Variants in ABCB11 observed in about 807,000 individuals in gnomAD.
The protein encoded by ABCB11 is ATP binding cassette subfamily B member 11.
A neutral mutation model predicts 148.0 loss-of-function variants in ABCB11; 95 were observed. That is an observed-to-expected ratio of 0.64 (90% CI 0.54 to 0.76). ABCB11 has a LOEUF of 0.76. ABCB11 is among the 30% of genes least tolerant of loss of function. The pLI, the probability that ABCB11 is intolerant of heterozygous loss-of-function variation, is 0.00. For synonymous variants in ABCB11, 591 were observed against 555.4 expected (o/e 1.06, Z -0.90); for missense variants, 1,523 against 1,617.8 (o/e 0.94, Z 1.01).
At chr2:169,008,344 G>A (rs1695083236) in intron 5 of ABCB11, among the ~76,000 whole-genome samples, 1 of 152,134 alleles carries the variant, frequency 6.6e-6, no homozygotes, top group Admixed American at 6.6e-5. Flanking sequence ...CCTCGGCTGT[G>A]GCAATGTCAT....
intron 10 of ABCB11, among the ~76,000 whole-genome samples, chr2:168,984,921 GAT>G (rs1332223470): frequency 6.6e-6 from 1 of 152,022 alleles, no homozygotes; most frequent in Non-Finnish European, 1.5e-5. Context: ...TAAAAACAAA[GAT>G]AAATAGGTGA....
At chr2:169,013,214 G>A in intron 5 of ABCB11, 58 bp downstream of exon 5, 1 of 1,333,780 alleles carries the variant, frequency 7.5e-7, no homozygotes, top group Non-Finnish European at 1.0e-6. Context: ...TATACATTTT[G>A]AATTACAATT....
intron 5 of ABCB11, among the ~76,000 whole-genome samples, chr2:169,007,130 G>C (rs1417702521): frequency 6.6e-6 from 1 of 152,124 alleles, no homozygotes; most frequent in African/African-American, 2.4e-5. Flanking sequence ...AATCAAAACA[G>C]TGTGTTACTG....
chr2:168,970,067 A>G lies in ABCB11; in HGVS notation c.1787T>C (p.Met596Thr). 6.2e-7 allele frequency: 1 copy of G among 1,610,628 alleles called. No homozygotes were observed. The change falls in exon 15 of 28, where the codon ATG becomes ACG. Residue 596 changes from methionine to threonine, a missense_variant. Met to Thr is a moderately conservative substitution (Grantham distance 81). Transcript: ENST00000650372. ...TSALDNESEAMVQEVLSKIQH... is the reference protein window; with the variant it reads ...TSALDNESEATVQEVLSKIQH... ...AACCTTACTCAGCACTTCTTGCACC[A>G]TGGCTTCACTCTCATTGTCCAGAGC...
chr2:168,960,619 T>C (rs1489832212), intron 18 of ABCB11, among the ~76,000 whole-genome samples: 2 of 151,678 alleles, frequency 1.3e-5, no homozygotes, highest in Non-Finnish European at 3.0e-5. Context: ...AATAATTTTC[T>C]TTGGTTCCTC....
chr2:168,917,522 A>G (rs1291523391), downstream of ABCB11, among the ~76,000 whole-genome samples: 7 of 152,286 alleles, frequency 4.6e-5, no homozygotes, highest in East Asian at 9.6e-4. Context: ...ACTTTTGTCA[A>G]CTCACACTGG....
In ABCB11 at chr2:168,932,900, A is replaced by G. The variant is rs555086662; in HGVS notation, c.3057-367T>C. 7.9e-5 allele frequency among the ~76,000 whole-genome samples: 12 copies of G among 152,016 alleles called. No homozygotes were observed. The South Asian group carries it at 2.1e-3, about 26-fold the overall frequency. On this transcript the variant is annotated intron_variant, in intron 23 of 27. Transcript: ENST00000650372. ...CGAGGCGGGCGGATCACGAGGTCAG[A>G]AGATCGAGACCATCCTGGCTAACAC...
chr2:168,950,957 G>A (rs1395832139), intron 19 of ABCB11, among the ~76,000 whole-genome samples: 3 of 151,522 alleles, frequency 2.0e-5, no homozygotes. Flanking sequence ...TTTGTAAGTG[G>A]TGAGAGGTAT....
rs1328098017 is a variant in ABCB11 at position 168,922,019 on chromosome 2, T to C, written c.*1603A>G. ...GCCCGCCACCACGCCCGGCTAATTT[T>C]TTTGTATTTTTAGTAGAGACGGGGT... On this transcript the variant is annotated 3_prime_UTR_variant, in exon 28 of 28. Coordinates refer to ENST00000650372, the MANE Select transcript of ABCB11 (RefSeq NM_003742.4). Among the ~76,000 whole-genome samples the C allele has an allele frequency of 1.3e-5, 2 of 151,972 alleles. No individual in the cohort carries two copies. The highest frequency in any genetic ancestry group is 2.9e-5 in the Non-Finnish European group (2 of 67,988).
At chr2:169,014,097 T>A (rs1695279331) in intron 4 of ABCB11, among the ~76,000 whole-genome samples, 1 of 152,236 alleles carries the variant, frequency 6.6e-6, no homozygotes, top group Non-Finnish European at 1.5e-5. Context: ...ATTTTTCTGA[T>A]CTATTGGATA....
At position 168,974,499 on chromosome 2, in the gene ABCB11, T is replaced by A. The variant is rs116432656; in HGVS notation, c.1309-659A>T. ...GGAAAATGTGGTTTGGGGTCCTCTG[T>A]GTCACAAAACCTCACGCCTTTCATT... On this transcript the variant is annotated intron_variant, in intron 12 of 27. Transcript: ENST00000650372. Among the ~76,000 whole-genome samples the A allele has an allele frequency of 5.2e-3, 797 of 152,078 alleles. 11 individuals carry two copies. Among genetic ancestry groups the A allele is most frequent in the African/African-American group, 0.018 (765 of 41,508 alleles).
chr2:168,968,342 T>G, intron 17 of ABCB11, 85 bp downstream of exon 17: 35 of 1,276,872 alleles, frequency 2.7e-5, no homozygotes, highest in Non-Finnish European at 3.7e-5. Context: ...TTGTTGTACC[T>G]GAGATATTCT....
Position 168,920,815 on chromosome 2 carries a change from C to A in ABCB11, c.*2807G>T, listed in dbSNP as rs545630057. ...AAACATGCAATGTTATTTATTTATT[C>A]ATTTTTGAAGTTGTAATCTTCTCCT... On this transcript the variant is annotated 3_prime_UTR_variant, in exon 28 of 28. Coordinates refer to ENST00000650372, the MANE Select transcript of ABCB11 (RefSeq NM_003742.4). Among the ~76,000 whole-genome samples, 12 of 152,268 alleles carry A rather than the reference C, an allele frequency of 7.9e-5. No individual in the cohort carries two copies. In the Middle Eastern group the frequency reaches 0.014, roughly 173 times the overall value.
In ABCB11 at chr2:168,972,002, T is replaced by A; in HGVS notation, c.1483A>T (p.Arg495Ter). The change falls in exon 14 of 28, where the codon AGA becomes TGA. Residue 495 changes from arginine (R) to a stop codon, truncating the protein, a stop_gained. Coordinates refer to ENST00000650372, the MANE Select transcript of ABCB11 (RefSeq NM_003742.4). LOFTEE classifies it high-confidence loss of function. Reference sequence around the variant, plus strand: ...TGCTCCACTATCCCAATCTGATCTCTAAGCCACTGAATGTTAAGAGAGCGA... The same window carrying A: ...TGCTCCACTATCCCAATCTGATCTCAAAGCCACTGAATGTTAAGAGAGCGA... ...DIRSLNIQWL[R>*]DQIGIVEQEP... 1.9e-6 allele frequency: 3 copies of A among 1,612,894 alleles called. No homozygotes were observed. The highest frequency in any genetic ancestry group is 2.5e-6 in the Non-Finnish European group (3 of 1,179,310).
At chr2:168,998,270 G>A (rs529082792) in intron 5 of ABCB11, among the ~76,000 whole-genome samples, 4 of 152,108 alleles carry the variant, frequency 2.6e-5, no homozygotes, top group African/African-American at 9.6e-5. Flanking sequence ...TTTACTTAGA[G>A]AATAGTAGTT....
intron 12 of ABCB11, among the ~76,000 whole-genome samples, chr2:168,976,294 G>C (rs1159663434): frequency 6.6e-6 from 1 of 152,070 alleles, no homozygotes; most frequent in Non-Finnish European, 1.5e-5. Flanking sequence ...GGAAAGACAG[G>C]ACCTGCCACT....
At position 168,996,686 on chromosome 2, in the gene ABCB11, G is replaced by A; in HGVS notation, c.426C>T (p.Ala142=). Residue 142 remains alanine (A), a synonymous_variant, in exon 6 of 28, where the codon GCC becomes GCT. Coordinates refer to ENST00000650372, the MANE Select transcript of ABCB11 (RefSeq NM_003742.4). ...LNIESEMIKF[A]SYYAGIAVAV... ...CGACAGCAATTCCAGCATAGTAACT[G>A]GCAAATTTGATCATTTCGCTCTCGA... 2 of 1,571,656 alleles carry A rather than the reference G, an allele frequency of 1.3e-6. No individual in the cohort carries two copies. Among genetic ancestry groups the A allele is most frequent in the Non-Finnish European group, 1.7e-6 (2 of 1,156,232 alleles).
intron 21 of ABCB11, among the ~76,000 whole-genome samples, chr2:168,943,783 G>A (rs1030616562): frequency 8.9e-6 from 1 of 112,878 alleles, no homozygotes; most frequent in Non-Finnish European, 2.0e-5. Flanking sequence ...AGCACTATCA[G>A]TCCAGTGAGT....
downstream of ABCB11, among the ~76,000 whole-genome samples, chr2:168,917,462 T>C (rs1690962424): frequency 6.6e-6 from 1 of 152,222 alleles, no homozygotes; most frequent in African/African-American, 2.4e-5. Flanking sequence ...AATATGACCA[T>C]TTTTAATATC....
Sources: allele counts gnomAD v4.1 joint callset (sites outside exome capture counted in the v4.1 genomes callset), GRCh38; gene constraint gnomAD v4.1.1; transcripts MANE v1.5; gene names NCBI Gene and HGNC (gene_info 2026-07-23, HGNC 2026-07-21).